GABRA2: variants seen among roughly 807,000 people sequenced by gnomAD.
GABRA2 encodes the protein gamma-aminobutyric acid receptor subunit alpha-2.
In GABRA2, 16 loss-of-function variants were observed where a neutral mutation model predicts 48.7. The observed-to-expected ratio is 0.33, with a 90% CI of 0.22 to 0.50. GABRA2 has a LOEUF of 0.50. Ranked by LOEUF, GABRA2 falls within the 20% of genes least tolerant of loss-of-function variation. The pLI is 0.98. For synonymous variants in GABRA2, 185 were observed against 184.5 expected, an observed-to-expected ratio of 1.00 and a Z score of -0.02; for missense variants, 275 against 535.6, an observed-to-expected ratio of 0.51 and a Z score of 4.80.
chr4:46,326,376 G>C (rs1242154032), intron 4 of GABRA2, among the ~76,000 whole-genome samples: 1 of 151,950 alleles, frequency 6.6e-6, no homozygotes, highest in East Asian at 2.0e-4. Flanking sequence ...CAGTTACCCA[G>C]TTACCAAATA....
At chr4:46,264,836 T>G (rs1426531053) in intron 8 of GABRA2, among the ~76,000 whole-genome samples, 1 of 151,804 alleles carries the variant, frequency 6.6e-6, no homozygotes, top group Non-Finnish European at 1.5e-5. Context: ...TTGGAAGATT[T>G]TGTTTACTAA....
chr4:46,368,747 T>C (rs1714437195), intron 3 of GABRA2: 1 of 419,424 alleles, frequency 2.4e-6, no homozygotes. Flanking sequence ...AAGAAAACTT[T>C]CTATAAAAAT....
intron 3 of GABRA2, among the ~76,000 whole-genome samples, chr4:46,377,896 A>G (rs1202579769): frequency 6.4e-5 from 9 of 139,894 alleles, no homozygotes; most frequent in East Asian, 2.3e-4. Context: ...CGCCCCGTCC[A>G]GGAGGTGAGG....
chr4:46,343,471 A>T (rs1733635252), intron 3 of GABRA2, among the ~76,000 whole-genome samples: 1 of 151,928 alleles, frequency 6.6e-6, no homozygotes, highest in Admixed American at 6.6e-5. Context: ...AGTGAGACAC[A>T]TAAGAGAATA....
At chr4:46,283,296 T>C in intron 8 of GABRA2, among the ~76,000 whole-genome samples, 1 of 152,136 alleles carries the variant, frequency 6.6e-6, no homozygotes, top group Admixed American at 6.5e-5. Context: ...ATTTTATTCT[T>C]CCTCTTTCCT....
At chr4:46,389,678 G>T in intron 1 of GABRA2, 57 bp downstream of exon 1, 1 of 941,528 alleles carries the variant, frequency 1.1e-6, no homozygotes, top group Non-Finnish European at 1.3e-6. Flanking sequence ...AGGCATGCAC[G>T]CGAGGCAAAG....
At chr4:46,387,917 A>T (rs1457715313) in intron 2 of GABRA2, among the ~76,000 whole-genome samples, 1 of 152,196 alleles carries the variant, frequency 6.6e-6, no homozygotes, top group Non-Finnish European at 1.5e-5. Context: ...TAAAGAAAAG[A>T]TGTCCACTGA....
chr4:46,291,814 T>C (rs1478973027), intron 8 of GABRA2, among the ~76,000 whole-genome samples: 1 of 150,690 alleles, frequency 6.6e-6, no homozygotes, highest in Non-Finnish European at 1.5e-5. Context: ...TATGTGTATA[T>C]ATATATCATC....
In GABRA2 at chr4:46,354,055, C is replaced by G. The variant is rs1205982618; in HGVS notation, c.188-21373G>C. ...AATTAATAAAAAATAGTGTCCTTTA[C>G]TGACTGCATTCTACCTGCCAGTGCT... On this transcript the variant is annotated intron_variant, in intron 3 of 9. Transcript: ENST00000381620. Among the ~76,000 whole-genome samples, 3 of 152,154 alleles carry G rather than the reference C, an allele frequency of 2.0e-5. No individual in the cohort carries two copies. In the East Asian group the frequency reaches 5.8e-4, roughly 29 times the overall value.
intron 3 of GABRA2, among the ~76,000 whole-genome samples, chr4:46,333,678 A>G (rs1278756768): frequency 2.0e-5 from 3 of 152,110 alleles, no homozygotes; most frequent in Non-Finnish European, 4.4e-5. Context: ...TAGACTTTGA[A>G]TGCCTACTAC....
At chr4:46,292,310 G>A (rs1267896813) in intron 8 of GABRA2, among the ~76,000 whole-genome samples, 1 of 152,214 alleles carries the variant, frequency 6.6e-6, no homozygotes, top group Non-Finnish European at 1.5e-5. Flanking sequence ...TAGACAAAGA[G>A]CTGAAATGGT....
At chr4:46,331,155 A>T (rs771931550) in intron 4 of GABRA2, among the ~76,000 whole-genome samples, 29 of 152,194 alleles carry the variant, frequency 1.9e-4, no homozygotes, top group Non-Finnish European at 3.7e-4. Context: ...CTCTTGTACC[A>T]GAATTGTGCC....
chr4:46,306,047 T>C (rs1438575269), intron 6 of GABRA2, among the ~76,000 whole-genome samples: 1 of 152,172 alleles, frequency 6.6e-6, no homozygotes, highest in Non-Finnish European at 1.5e-5. Flanking sequence ...GACACTGTGG[T>C]AAAATAAGCT....
rs1442615870 is a variant in GABRA2 at position 46,303,491 on chromosome 4, G to A, written c.825C>T (p.Asn275=). 2.5e-6 allele frequency: 4 copies of A among 1,613,960 alleles called. No individual in the cohort carries two copies. The African/African-American group carries it at 5.3e-5, about 22-fold the overall frequency. The change falls in exon 8 of 10, where the codon AAC becomes AAT. Residue 275 remains asparagine, a synonymous_variant. Transcript: ENST00000381620. The part of the protein sequence containing the change: ...VILSQVSFWL[N]RESVPARTVF... ...CAGTTCTTGCAGGCACAGATTCTCT[G>A]TTAAGCCAGAATGAAACTTGGGAGA...
chr4:46,297,476 CATATATATATATAT>C (rs56201706), intron 8 of GABRA2, among the ~76,000 whole-genome samples: 46 of 87,914 alleles, frequency 5.2e-4, no homozygotes, highest in African/African-American at 7.3e-4. Flanking sequence ...AATAAAATCC[CATATATATATATAT>C]ATATATATAT....
At position 46,385,217 on chromosome 4, in the gene GABRA2, G is replaced by A. The variant is rs143777615; in HGVS notation, c.187+857C>T. ...TTAGCATTGCAAAGTCACCAAACCC[G>A]GCAATAACCAGGTTAACTACATAAA... On this transcript the variant is annotated intron_variant, in intron 3 of 9. Transcript: ENST00000381620. 1.6e-4 allele frequency among the ~76,000 whole-genome samples: 24 copies of A among 151,144 alleles called. No individual in the cohort carries two copies. The East Asian group carries it at 3.9e-3, about 24-fold the overall frequency.
intron 8 of GABRA2, among the ~76,000 whole-genome samples, chr4:46,269,638 A>G (rs1718903270): frequency 6.6e-6 from 1 of 152,036 alleles, no homozygotes; most frequent in African/African-American, 2.4e-5. Flanking sequence ...AGAAACACCT[A>G]CAGTTATCAT....
chr4:46,357,574 G>A (rs2109940040), intron 3 of GABRA2, among the ~76,000 whole-genome samples: 1 of 151,110 alleles, frequency 6.6e-6, no homozygotes, highest in East Asian at 1.9e-4. Flanking sequence ...CATACAATGT[G>A]CCAGGCACTG....
intron 9 of GABRA2, among the ~76,000 whole-genome samples, chr4:46,256,980 A>C (rs554112256): frequency 4.6e-5 from 7 of 151,688 alleles, no homozygotes; most frequent in Non-Finnish European, 5.9e-5. Flanking sequence ...ACTCAGATTT[A>C]GAATTGAAAG....
Sources: gnomAD v4.1 joint callset for allele counts (sites outside exome capture counted in the v4.1 genomes callset) on GRCh38, gnomAD v4.1.1 for gene constraint, MANE v1.5 for transcripts, NCBI Gene and HGNC (gene_info 2026-07-23, HGNC 2026-07-21) for gene names.